The following SLC45A2 variants were observed in gnomAD, a reference collection of about 807,000 sequenced individuals.
SLC45A2 encodes solute carrier family 45 member 2.
SLC45A2 carries 36 observed loss-of-function variants against 45.5 expected under a neutral mutation model. The ratio of observed to expected loss-of-function variants is 0.79; its 90% CI spans 0.61 to 1.04. The LOEUF is 1.04. Among genes scored for constraint, SLC45A2 ranks in the 50% least tolerant of loss-of-function variants. The pLI is 0.00. For missense variants in SLC45A2, 719 were observed against 671.0 expected, an observed-to-expected ratio of 1.07 and a Z score of -0.79; for synonymous variants, 306 against 269.3, an observed-to-expected ratio of 1.14 and a Z score of -1.33.
At chr5:33,944,927 C>T in intron 6 of SLC45A2, 55 bp from the exon 7 acceptor site, 2 of 1,541,142 alleles carry the variant, frequency 1.3e-6, no homozygotes, top group South Asian at 1.2e-5. Context: ...TCATTTAGGG[C>T]ACAGGTCAGC....
chr5:33,954,367 C>T lies in SLC45A2; in HGVS notation c.1026G>A (p.Met342Ile), dbSNP rs1168489082. ...GCACAGACACGTTCATTACCTGGCC[C>T]ATGAAATCTGTGAAGAACAGCATGT... ...LSNMLFFTDF[M>I]GQIVYRGDPY... is the part of the protein sequence containing the mutation. The change falls in exon 4 of 7, where the codon ATG becomes ATA. Residue 342 changes from methionine (M) to isoleucine (I), a missense_variant. By Grantham distance (10) the Met-to-Ile change is conservative. Coordinates refer to ENST00000296589, the MANE Select transcript of SLC45A2 (RefSeq NM_016180.5). 6.2e-7 allele frequency: 1 copy of T among 1,614,002 alleles called. No homozygotes were observed. Among genetic ancestry groups the T allele is most frequent in the Non-Finnish European group, 8.5e-7 (1 of 1,179,968 alleles).
In SLC45A2 at chr5:33,984,481, G is replaced by A; in HGVS notation, c.103C>T (p.Leu35Phe). ...AACATGGCCATGCTGTGCATGATGAGTCTGCTGGTGGGTCTTTTAGGCGGC... is the reference window on the plus strand; with the variant it reads ...AACATGGCCATGCTGTGCATGATGAATCTGCTGGTGGGTCTTTTAGGCGGC... ...VEPPKRPTSR[L>F]IMHSMAMFGR... The change falls in exon 1 of 7, where the codon CTC (leucine) becomes TTC (phenylalanine). Residue 35 changes from leucine (L) to phenylalanine (F), a missense_variant. Transcript: ENST00000296589. The A allele has an allele frequency of 6.2e-7, 1 of 1,613,622 alleles. No homozygotes were observed. The highest frequency in any genetic ancestry group is 8.5e-7 in the Non-Finnish European group (1 of 1,180,028).
At chr5:33,976,347 C>T (rs1027392043) in intron 2 of SLC45A2, among the ~76,000 whole-genome samples, 3 of 152,228 alleles carry the variant, frequency 2.0e-5, no homozygotes, top group African/African-American at 7.2e-5. Flanking sequence ...TATGTTACCT[C>T]TGGACAGCCC....
intron 5 of SLC45A2, among the ~76,000 whole-genome samples, chr5:33,950,539 G>C (rs1387826224): frequency 6.6e-6 from 1 of 152,178 alleles, no homozygotes; most frequent in Non-Finnish European, 1.5e-5. Context: ...AAGAGGTCTT[G>C]AGGCAGGTTT....
intron 1 of SLC45A2, among the ~76,000 whole-genome samples, chr5:33,983,250 A>G (rs1261396160): frequency 1.3e-5 from 2 of 152,158 alleles, no homozygotes; most frequent in Non-Finnish European, 2.9e-5. Flanking sequence ...CGTTTACCCA[A>G]TCTCCTATAA....
intron 2 of SLC45A2, chr5:33,971,951 G>T: frequency 4.7e-6 from 2 of 428,688 alleles, no homozygotes; most frequent in Non-Finnish European, 9.4e-6. Context: ...TGTATCTTCT[G>T]TAGAGATGGG....
chr5:33,956,913 C>T (rs1752294163), intron 3 of SLC45A2, among the ~76,000 whole-genome samples: 1 of 152,078 alleles, frequency 6.6e-6, no homozygotes, highest in Middle Eastern at 3.2e-3. Flanking sequence ...AAAGTTTATT[C>T]TTTTTAATTT....
At chr5:33,946,276 A>C (rs780292941) in intron 6 of SLC45A2, 3 of 985,426 alleles carry the variant, frequency 3.0e-6, no homozygotes, top group Non-Finnish European at 3.6e-6. Context: ...TCTTTTTTGA[A>C]AGGTTTTTAC....
Position 33,953,014 on chromosome 5 carries a change from G to A in SLC45A2, c.1033-1337C>T, listed in dbSNP as rs376690401. On this transcript the variant is annotated intron_variant, in intron 4 of 6. Transcript: ENST00000296589. ...CAATTTCATCCATGTCCCTACAAAG[G>A]ACATGAACTCATCATTTTTTATGGC... 8.1e-5 allele frequency among the ~76,000 whole-genome samples: 7 copies of A among 86,862 alleles called. No homozygotes were observed. The South Asian group carries it at 1.2e-3, about 15-fold the overall frequency. The allele number at this position is 86,862 out of a possible 152,430, so 57.0% of individuals were successfully genotyped here.
chr5:33,966,403 G>A (rs1752603287), intron 2 of SLC45A2, among the ~76,000 whole-genome samples: 1 of 149,594 alleles, frequency 6.7e-6, no homozygotes, highest in African/African-American at 2.5e-5. Context: ...AGTGGGAGAA[G>A]CACATAATGG....
chr5:33,959,263 T>A lies in SLC45A2; in HGVS notation c.888+4428A>T, dbSNP rs559074730. Among the ~76,000 whole-genome samples, 21 of 152,314 alleles carry A rather than the reference T, an allele frequency of 1.4e-4. No individual in the cohort carries two copies. The South Asian group carries it at 2.5e-3, about 18-fold the overall frequency. ...CATGTAATGTATATTTTACCTGATA[T>A]ATTTTTAGTAAACCTTCGGAAACAT... On this transcript the variant is annotated intron_variant, in intron 3 of 6. Transcript: ENST00000296589.
chr5:33,958,164 AG>A (rs1752333551), intron 3 of SLC45A2, among the ~76,000 whole-genome samples: 1 of 152,198 alleles, frequency 6.6e-6, no homozygotes, highest in East Asian at 1.9e-4. Context: ...TACCCTCAAA[AG>A]GAGACTATTT....
At chr5:33,956,232 C>T (rs1752272797) in intron 3 of SLC45A2, among the ~76,000 whole-genome samples, 3 of 152,140 alleles carry the variant, frequency 2.0e-5, no homozygotes, top group Admixed American at 1.3e-4. Context: ...AAGTATTGTG[C>T]CCAGATCAAC....
At chr5:33,954,640 C>G (rs1028659232) in intron 3 of SLC45A2, 136 bp from the exon 4 acceptor site, 14 of 1,270,906 alleles carry the variant, frequency 1.1e-5, no homozygotes, top group Non-Finnish European at 1.6e-5. Flanking sequence ...GGACATGGAA[C>G]TAGGTTTCCA....
In SLC45A2 at chr5:33,963,926, A is replaced by G. The variant is rs1752525085; in HGVS notation, c.653T>C (p.Met218Thr). Residue 218 changes from methionine to threonine, a missense_variant, in exon 3 of 7, where the codon ATG becomes ACG. Coordinates refer to ENST00000296589, the MANE Select transcript of SLC45A2 (RefSeq NM_016180.5). ...GRLLGTEFQV[M>T]FFFSALVLTL... is the part of the protein sequence containing the mutation. ...GAGCACCAATGCAGAGAAGAAGAAC[A>G]TGACCTGGAATTCTGTACCCAACAG... The G allele has an allele frequency of 1.2e-6, 2 of 1,614,186 alleles. No individual in the cohort carries two copies. Among genetic ancestry groups the G allele is most frequent in the Non-Finnish European group, 1.7e-6 (2 of 1,180,020 alleles).
chr5:33,956,991 T>C (rs1378520519), intron 3 of SLC45A2, among the ~76,000 whole-genome samples: 1 of 152,134 alleles, frequency 6.6e-6, no homozygotes. Flanking sequence ...ATGTAAAAAA[T>C]GAATATATAG....
At chr5:33,957,182 A>G (rs1231643630) in intron 3 of SLC45A2, among the ~76,000 whole-genome samples, 1 of 152,194 alleles carries the variant, frequency 6.6e-6, no homozygotes. Flanking sequence ...CCTTGGGAAT[A>G]TTAATTGATT....
chr5:33,969,477 T>C lies in SLC45A2; in HGVS notation c.563-5461A>G, dbSNP rs868416232. Among the ~76,000 whole-genome samples the C allele has an allele frequency of 2.4e-4, 37 of 152,298 alleles. No homozygotes were observed. In the Middle Eastern group the frequency reaches 0.01, roughly 42 times the overall value. On this transcript the variant is annotated intron_variant, in intron 2 of 6. Transcript: ENST00000296589. ...CTAATCCTGGCATCCCTTTCTCTCA[T>C]TGGGCCCTTCTTTCACATTTAAGCT...
chr5:33,960,146 T>A (rs868272355), intron 3 of SLC45A2, among the ~76,000 whole-genome samples: 2 of 152,300 alleles, frequency 1.3e-5, no homozygotes, highest in African/African-American at 4.8e-5. Flanking sequence ...TACTTTCAGT[T>A]CTTTCAGGAA....
Sources: allele counts gnomAD v4.1 joint callset (sites outside exome capture counted in the v4.1 genomes callset), GRCh38; gene constraint gnomAD v4.1.1; transcripts MANE v1.5; gene names NCBI Gene and HGNC (gene_info 2026-07-23, HGNC 2026-07-21).